Variants in ANKHD1 observed in about 807,000 individuals in gnomAD.
ANKHD1 encodes the protein ankyrin repeat and KH domain-containing protein 1.
ANKHD1 carries 31 observed loss-of-function variants against 230.5 expected under a neutral mutation model. The observed-to-expected ratio is 0.13, with a 90% CI of 0.10 to 0.18. The LOEUF (loss-of-function observed/expected upper bound fraction) is 0.18, where lower values mean the gene tolerates loss of function less well. Among genes scored for constraint, ANKHD1 ranks in the 10% least tolerant of loss-of-function variants. The pLI, the probability that ANKHD1 is intolerant of heterozygous loss-of-function variation, is 1.00. For synonymous variants in ANKHD1, 1,074 were observed against 1,117.6 expected (o/e 0.96, Z 0.78); for missense variants, 2,256 against 3,071.3 (o/e 0.73, Z 6.27).
intron 24 of ANKHD1, among the ~76,000 whole-genome samples, chr5:140,523,101 C>T (rs370190645): frequency 0.024 from 1,993 of 83,938 alleles, no homozygotes; most frequent in East Asian, 0.032. Context: ...TAATTTTTTT[C>T]TTTTTCCTTT....
chr5:140,425,608 G>A (rs1436891347), intron 1 of ANKHD1, among the ~76,000 whole-genome samples: 1 of 141,786 alleles, frequency 7.1e-6, no homozygotes, highest in Non-Finnish European at 1.5e-5. Context: ...GACTGGGGGG[G>A]AATAAAGTTT....
At chr5:140,409,262 A>G (rs569691158) in intron 1 of ANKHD1, among the ~76,000 whole-genome samples, 1 of 152,354 alleles carries the variant, frequency 6.6e-6, no homozygotes, top group African/African-American at 2.4e-5. Flanking sequence ...AAGGTTTAAT[A>G]TAAAACTAGC....
intron 1 of ANKHD1, among the ~76,000 whole-genome samples, chr5:140,406,474 A>G (rs1477071401): frequency 2.6e-5 from 4 of 152,114 alleles, no homozygotes; most frequent in African/African-American, 4.8e-5. Flanking sequence ...TATCAGAGCC[A>G]AGAGCTGAGA....
intron 14 of ANKHD1, among the ~76,000 whole-genome samples, chr5:140,487,626 C>G (rs1751569560): frequency 6.6e-6 from 1 of 152,096 alleles, no homozygotes; most frequent in African/African-American, 2.4e-5. Context: ...TTAAAAAACT[C>G]AAGTTTATGA....
chr5:140,412,293 G>A (rs1441014384), intron 1 of ANKHD1, among the ~76,000 whole-genome samples: 1 of 151,984 alleles, frequency 6.6e-6, no homozygotes, highest in Non-Finnish European at 1.5e-5. Context: ...ACCTCCCAAA[G>A]TGCTGCGATT....
intron 26 of ANKHD1, 63 bp from the exon 27 acceptor site, chr5:140,526,865 A>G (rs1753629975): frequency 6.6e-7 from 1 of 1,519,856 alleles, no homozygotes; most frequent in Non-Finnish European, 8.8e-7. Flanking sequence ...ATAAAGGAAT[A>G]GTCTCTTGAG....
intron 1 of ANKHD1, among the ~76,000 whole-genome samples, chr5:140,402,641 C>G (rs1416727350): frequency 6.6e-6 from 1 of 152,200 alleles, no homozygotes; most frequent in Non-Finnish European, 1.5e-5. Context: ...GAGACAGAGA[C>G]AGAGCTGGTG....
rs1032129952 is a variant in ANKHD1 at position 140,472,307 on chromosome 5, C to G, written c.1782+7531C>G. On this transcript the variant is annotated intron_variant, in intron 10 of 33. Transcript: ENST00000360839. ...CGGCCAAGCATCAGGTGAGGGTGGC[C>G]TTTGATGCTTGTAAGCTACTACGTA... is the stretch of plus-strand genomic sequence containing the variant. The G allele has an allele frequency of 6.8e-6, 11 of 1,613,218 alleles. No individual in the cohort carries two copies. In the Admixed American group the frequency reaches 1.3e-4, roughly 20 times the overall value.
At chr5:140,444,426 A>G (rs114987959) in intron 5 of ANKHD1, among the ~76,000 whole-genome samples, 112 of 152,292 alleles carry the variant, frequency 7.4e-4, no homozygotes, top group African/African-American at 2.6e-3. Context: ...AGCTTGTTAA[A>G]AATACAGGTT....
In ANKHD1 at chr5:140,494,695, T is replaced by C. The variant is rs183146446; in HGVS notation, c.2246-1825T>C. Among the ~76,000 whole-genome samples, 945 of 152,326 alleles carry C rather than the reference T, an allele frequency of 6.2e-3. 4 individuals carry two copies. Among genetic ancestry groups the C allele is most frequent in the Non-Finnish European group, 9.8e-3 (670 of 68,024 alleles). ...CTAATTTTTTTTTCTTCAGTAGTTT[T>C]GTCACCCCTTTGAAATTCAGAACAT... On this transcript the variant is annotated intron_variant, in intron 14 of 33. Transcript: ENST00000360839.
chr5:140,537,685 A>T, intron 31 of ANKHD1, 96 bp downstream of exon 31: 1 of 1,442,134 alleles, frequency 6.9e-7, no homozygotes, highest in Non-Finnish European at 9.1e-7. Flanking sequence ...AACAAAAAAA[A>T]CTTAGTTCCT....
intron 6 of ANKHD1, among the ~76,000 whole-genome samples, chr5:140,448,003 C>CT (rs1366438369): frequency 1.3e-5 from 2 of 152,120 alleles, no homozygotes; most frequent in Non-Finnish European, 2.9e-5. Context: ...TTAAAGAATG[C>CT]TGGGTGCAGT....
intron 5 of ANKHD1, among the ~76,000 whole-genome samples, chr5:140,442,843 A>C (rs1014436055): frequency 6.6e-6 from 1 of 152,118 alleles, no homozygotes; most frequent in Non-Finnish European, 1.5e-5. Context: ...AAAATTATGT[A>C]GTTGAAATTA....
intron 25 of ANKHD1, among the ~76,000 whole-genome samples, chr5:140,524,643 G>C (rs933323664): frequency 6.6e-6 from 1 of 152,276 alleles, no homozygotes; most frequent in African/African-American, 2.4e-5. Context: ...TGTCAGTAGA[G>C]ATGGGTTTAG....
Position 140,416,945 on chromosome 5 carries a change from T to A in ANKHD1, c.306+14672T>A, listed in dbSNP as rs1771447027. On this transcript the variant is annotated intron_variant, in intron 1 of 33. Transcript: ENST00000360839. ...AGATTGTTTTGGATGAGAAAAACTT[T>A]TAATACAAATTTTATGTAATTGTTT... is the stretch of plus-strand genomic sequence containing the variant. Among the ~76,000 whole-genome samples, 3 of 152,118 alleles carry A rather than the reference T, an allele frequency of 2.0e-5. No homozygotes were observed. In the South Asian group the frequency reaches 6.2e-4, roughly 32 times the overall value.
chr5:140,411,057 A>G (rs1770884997), intron 1 of ANKHD1, among the ~76,000 whole-genome samples: 1 of 152,262 alleles, frequency 6.6e-6, no homozygotes, highest in Non-Finnish European at 1.5e-5. Flanking sequence ...TTTTAAATAA[A>G]TCATTGTTTA....
rs549274849 is a variant in ANKHD1 at position 140,506,140 on chromosome 5, G to A, written c.3408+271G>A. Among the ~76,000 whole-genome samples the A allele has an allele frequency of 8.7e-4, 132 of 152,152 alleles. No homozygotes were observed. Among genetic ancestry groups the A allele is most frequent in the African/African-American group, 3.1e-3 (127 of 41,504 alleles). On this transcript the variant is annotated intron_variant, in intron 18 of 33. Coordinates refer to ENST00000360839, the MANE Select transcript of ANKHD1 (RefSeq NM_017747.3). This position sits in a 1 kb window ranked among gnomAD's most constrained non-coding sequence, Gnocchi z 4.7. ...GGGGTCATGTAATGTTGCCCTGGCCGATTTCAAACTCCTGGCCTCAAGCAA... is the reference window on the plus strand; with the variant it reads ...GGGGTCATGTAATGTTGCCCTGGCCAATTTCAAACTCCTGGCCTCAAGCAA...
In ANKHD1 at chr5:140,538,159, A is replaced by G; in HGVS notation, c.7302A>G (p.Thr2434=). 1 of 1,614,212 alleles carries G rather than the reference A, an allele frequency of 6.2e-7. No homozygotes were observed. The highest frequency in any genetic ancestry group is 8.5e-7 in the Non-Finnish European group (1 of 1,180,032). The part of the protein sequence containing the change: ...PMHQQLSDPS[T]FSQHQPMERD... ...ATCAACAATTATCAGACCCAAGCAC[A>G]TTCTCCCAACATCAGCCAATGGAGA... The change falls in exon 32 of 34, where the codon ACA becomes ACG. Residue 2434 remains threonine (T), a synonymous_variant. Coordinates refer to ENST00000360839, the MANE Select transcript of ANKHD1 (RefSeq NM_017747.3).
intron 10 of ANKHD1, 78 bp from the exon 11 acceptor site, chr5:140,482,502 C>T: frequency 6.7e-7 from 1 of 1,494,856 alleles, no homozygotes; most frequent in South Asian, 1.2e-5. Flanking sequence ...CGTTATTTCT[C>T]ATTTCATCAG....
Sources: gnomAD v4.1 joint callset for allele counts (sites outside exome capture counted in the v4.1 genomes callset) on GRCh38, gnomAD v4.1.1 for gene constraint, Gnocchi (gnomAD v3.1) non-coding constraint, MANE v1.5 for transcripts, NCBI Gene and HGNC (gene_info 2026-07-23, HGNC 2026-07-21) for gene names.